DNAH14: variants seen among roughly 807,000 people sequenced by gnomAD.
DNAH14 encodes axonemal beta dynein heavy chain 14.
A neutral mutation model predicts 520.9 loss-of-function variants in DNAH14; 478 were observed. The ratio of observed to expected loss-of-function variants is 0.92; its 90% confidence interval spans 0.85 to 0.99. The LOEUF is 0.99. DNAH14 is among the 50% of genes least tolerant of loss of function. The pLI, the probability that DNAH14 is intolerant of heterozygous loss-of-function variation, is 0.00. For missense variants in DNAH14, 4,831 were observed against 5,234.5 expected (o/e 0.92, Z 2.38); for synonymous variants, 1,581 against 1,757.2 (o/e 0.90, Z 2.51).
At chr1:225,022,637 G>A (rs566696507) in intron 10 of DNAH14, among the ~76,000 whole-genome samples, 1 of 152,070 alleles carries the variant, frequency 6.6e-6, no homozygotes, top group South Asian at 2.1e-4. Flanking sequence ...GAAACACCCT[G>A]CTGGTAGCAA....
intron 73 of DNAH14, chr1:225,358,013 G>T: frequency 3.6e-6 from 2 of 554,100 alleles, no homozygotes; most frequent in Non-Finnish European, 6.3e-6. Flanking sequence ...ATTCTTTTCA[G>T]ATTTGTATTC....
chr1:225,234,742 C>T (rs1055907930), intron 42 of DNAH14, among the ~76,000 whole-genome samples: 1 of 152,114 alleles, frequency 6.6e-6, no homozygotes, highest in Non-Finnish European at 1.5e-5. Flanking sequence ...TTGTAGTTCT[C>T]CTTGAATAGG....
chr1:225,216,560 A>G (rs1252508322), intron 41 of DNAH14, among the ~76,000 whole-genome samples: 1 of 152,206 alleles, frequency 6.6e-6, no homozygotes, highest in Non-Finnish European at 1.5e-5. Context: ...GTCTTTTCAC[A>G]TAATCCCATA....
chr1:225,085,528 A>C lies in DNAH14; in HGVS notation c.3328-16A>C, dbSNP rs2073660086. On this transcript the variant is annotated splice_polypyrimidine_tract_variant and intron_variant, in intron 20 of 85. Coordinates refer to ENST00000682510, the MANE Select transcript of DNAH14 (RefSeq NM_001367479.1). ...TTTGCTATACTGGATACTAAAGAATACTTTGTTCATTTTAGATGTTTCAGT... is the reference window on the plus strand; with the variant it reads ...TTTGCTATACTGGATACTAAAGAATCCTTTGTTCATTTTAGATGTTTCAGT... 31 of 1,532,232 alleles carry C rather than the reference A, an allele frequency of 2.0e-5. No homozygotes were observed. The highest frequency in any genetic ancestry group is 2.5e-5 in the Non-Finnish European group (28 of 1,132,214). 94.9% of individuals were successfully genotyped at this position (1,532,232 alleles called of 1,614,324 possible). A position where few individuals can be genotyped will look rare whatever the true frequency, so the allele number is the denominator to read the frequency against.
chr1:225,287,177 A>T (rs1470474745), intron 54 of DNAH14, among the ~76,000 whole-genome samples: 1 of 152,204 alleles, frequency 6.6e-6, no homozygotes, highest in Non-Finnish European at 1.5e-5. Context: ...ATAGAACTTG[A>T]TGACACAAAG....
intron 21 of DNAH14, among the ~76,000 whole-genome samples, chr1:225,090,748 A>T (rs2074305030): frequency 6.6e-6 from 1 of 152,186 alleles, no homozygotes; most frequent in East Asian, 1.9e-4. Context: ...TATGGACCTA[A>T]ATGCAAAACC....
At chr1:224,968,091 T>C (rs538854119) in intron 6 of DNAH14, among the ~76,000 whole-genome samples, 20 of 152,210 alleles carry the variant, frequency 1.3e-4, no homozygotes, top group South Asian at 1.0e-3. Context: ...AAATGAACTT[T>C]ATTAGTGGGC....
rs2068411920 is a variant in DNAH14, at chr1:225,050,239, C to T, written c.1942C>T (p.Gln648Ter). The change falls in exon 16 of 86, where the codon CAG becomes TAG. Residue 648 changes from glutamine (Q) to a stop codon, truncating the protein, a stop_gained. Coordinates refer to ENST00000682510, the MANE Select transcript of DNAH14 (RefSeq NM_001367479.1). LOFTEE classifies it high-confidence loss of function. ...AATTACTCCTCTTTGCCAAGATCCC[C>T]AGCTGTCTATCTTCATTGATTTGGT... Reference protein sequence around the residue: ...TTITPLCQDPQLSIFIDLVSI... With the variant: ...TTITPLCQDP 6.5e-7 allele frequency: 1 copy of T among 1,543,990 alleles called. No individual in the cohort carries two copies. The highest frequency in any genetic ancestry group is 8.7e-7 in the Non-Finnish European group (1 of 1,144,760).
intron 76 of DNAH14, among the ~76,000 whole-genome samples, chr1:225,366,269 G>A (rs987892436): frequency 1.3e-5 from 2 of 152,172 alleles, no homozygotes; most frequent in African/African-American, 4.8e-5. Context: ...TAATTTCACA[G>A]TATAGAGATA....
chr1:224,955,731 A>G (rs188451388), intron 3 of DNAH14, among the ~76,000 whole-genome samples: 2 of 152,228 alleles, frequency 1.3e-5, no homozygotes, highest in East Asian at 1.9e-4. Flanking sequence ...TGCCATTTCC[A>G]TAGGAAGTTG....
chr1:225,215,832 G>A (rs752439982), intron 41 of DNAH14, among the ~76,000 whole-genome samples: 2 of 152,096 alleles, frequency 1.3e-5, no homozygotes, highest in Non-Finnish European at 2.9e-5. Context: ...ACTCTGATGG[G>A]TCTTGACTCT....
intron 1 of DNAH14, among the ~76,000 whole-genome samples, chr1:224,942,751 A>G (rs893024317): frequency 9.9e-5 from 15 of 152,144 alleles, no homozygotes; most frequent in African/African-American, 3.4e-4. Flanking sequence ...TTTCACATCT[A>G]TTGAGATAAT....
At chr1:225,243,645 A>C (rs2092102713) in intron 43 of DNAH14, among the ~76,000 whole-genome samples, 1 of 152,128 alleles carries the variant, frequency 6.6e-6, no homozygotes, top group Non-Finnish European at 1.5e-5. Flanking sequence ...TATAGCTATG[A>C]AAAAGAATGA....
intron 8 of DNAH14, among the ~76,000 whole-genome samples, chr1:224,977,949 C>G (rs1558578136): frequency 6.6e-6 from 1 of 152,068 alleles, no homozygotes; most frequent in South Asian, 2.1e-4. Flanking sequence ...CAATGCAAGT[C>G]AAAACCACAA....
chr1:224,959,985 G>A (rs185359749), intron 3 of DNAH14, among the ~76,000 whole-genome samples, 168 bp from the exon 4 acceptor site: 10 of 152,248 alleles, frequency 6.6e-5, no homozygotes, highest in South Asian at 4.1e-4. Context: ...GAGTGTTAAA[G>A]CTTGTATATG....
At chr1:225,325,042 T>C (rs1395777198) in intron 64 of DNAH14, among the ~76,000 whole-genome samples, 3 of 151,804 alleles carry the variant, frequency 2.0e-5, no homozygotes, top group Non-Finnish European at 2.9e-5. Flanking sequence ...AAACACTCTA[T>C]AGAGTTCATT....
At chr1:225,121,977 C>A (rs184711658) in intron 26 of DNAH14, among the ~76,000 whole-genome samples, 250 of 151,964 alleles carry the variant, frequency 1.6e-3, no homozygotes, top group Admixed American at 2.3e-3. Flanking sequence ...CAGAAAACAT[C>A]AATAGAAGAT....
intron 27 of DNAH14, among the ~76,000 whole-genome samples, chr1:225,134,044 A>T (rs2078726820): frequency 6.6e-6 from 1 of 152,050 alleles, no homozygotes; most frequent in African/African-American, 2.4e-5. Context: ...TGGTATATAT[A>T]GGAATGCTAG....
intron 17 of DNAH14, among the ~76,000 whole-genome samples, chr1:225,078,257 G>A (rs1309568013): frequency 6.6e-6 from 1 of 152,076 alleles, no homozygotes; most frequent in Non-Finnish European, 1.5e-5. Flanking sequence ...AACCCTCTGA[G>A]ACTCAGTTTC....
Sources: gnomAD v4.1 joint callset for allele counts (sites outside exome capture counted in the v4.1 genomes callset) on GRCh38, gnomAD v4.1.1 for gene constraint, MANE v1.5 for transcripts, NCBI Gene and HGNC (gene_info 2026-07-23, HGNC 2026-07-21) for gene names.